Variants in SRPK2 observed in about 807,000 individuals in gnomAD.
The protein encoded by SRPK2 is SRSF protein kinase 2.
In SRPK2, 21 loss-of-function variants were observed where a neutral mutation model predicts 90.8. That is an observed-to-expected ratio of 0.23 (90% CI 0.16 to 0.33). The LOEUF (loss-of-function observed/expected upper bound fraction) is 0.33. SRPK2 is among the 10% of genes least tolerant of loss of function. The probability of loss-of-function intolerance (pLI) is 1.00; values close to 1 mark genes in which losing one functional copy is unlikely to be tolerated. For missense variants in SRPK2, 620 were observed against 869.0 expected, an observed-to-expected ratio of 0.71 and a Z score of 3.60; for synonymous variants, 288 against 311.1, an observed-to-expected ratio of 0.93 and a Z score of 0.78.
intron 2 of SRPK2, among the ~76,000 whole-genome samples, chr7:105,373,945 T>C (rs1350931882): frequency 6.6e-6 from 1 of 152,142 alleles, no homozygotes; most frequent in Admixed American, 6.6e-5. Context: ...CTTTCTTTTT[T>C]GAGATGGAGT....
intron 2 of SRPK2, among the ~76,000 whole-genome samples, chr7:105,275,078 G>A (rs1404424548): frequency 6.6e-6 from 1 of 151,844 alleles, no homozygotes; most frequent in East Asian, 1.9e-4. Context: ...AGTAGAGACG[G>A]GGGTTTCACC....
intron 13 of SRPK2, among the ~76,000 whole-genome samples, chr7:105,131,461 T>C (rs1469738571): frequency 6.6e-6 from 1 of 152,230 alleles, no homozygotes; most frequent in Non-Finnish European, 1.5e-5. Context: ...GTTTTTGATA[T>C]GGAAGAACTT....
chr7:105,238,269 T>TC (rs1800373369), intron 2 of SRPK2, among the ~76,000 whole-genome samples: 3 of 152,222 alleles, frequency 2.0e-5, no homozygotes, highest in South Asian at 4.1e-4. Context: ...GTCATCATCC[T>TC]CATCATCATC....
At chr7:105,373,140 A>T (rs1452860350) in intron 2 of SRPK2, among the ~76,000 whole-genome samples, 2 of 152,118 alleles carry the variant, frequency 1.3e-5, no homozygotes, top group Non-Finnish European at 2.9e-5. Context: ...AGAGCAAGAC[A>T]AAACTCTCTC....
intron 2 of SRPK2, among the ~76,000 whole-genome samples, chr7:105,376,139 C>T (rs1006805739): frequency 5.3e-5 from 8 of 151,454 alleles, no homozygotes; most frequent in African/African-American, 1.9e-4. Context: ...GGACTACAGG[C>T]GCCCGCCACC....
At chr7:105,384,958 G>A (rs1821368091) in intron 2 of SRPK2, among the ~76,000 whole-genome samples, 1 of 150,994 alleles carries the variant, frequency 6.6e-6, no homozygotes, top group Non-Finnish European at 1.5e-5. Context: ...CTCACTGCAA[G>A]CTCCGCCTCC....
chr7:105,229,874 A>C (rs1799215430), intron 2 of SRPK2, among the ~76,000 whole-genome samples: 1 of 152,266 alleles, frequency 6.6e-6, no homozygotes, highest in Admixed American at 6.5e-5. Flanking sequence ...GATCTAGTCC[A>C]GGAATCAAGG....
chr7:105,331,071 G>A (rs1160847538), intron 2 of SRPK2, among the ~76,000 whole-genome samples: 3 of 151,930 alleles, frequency 2.0e-5, no homozygotes, highest in South Asian at 4.1e-4. Flanking sequence ...GGAGGCCGAG[G>A]TAGGTGGTTC....
chr7:105,357,979 C>T (rs1032977504), intron 2 of SRPK2, among the ~76,000 whole-genome samples: 1 of 151,998 alleles, frequency 6.6e-6, no homozygotes, highest in Non-Finnish European at 1.5e-5. Context: ...AATCCCAGCA[C>T]TTTGGGAGGC....
intron 15 of SRPK2, 34 bp from the exon 16 acceptor site, chr7:105,118,056 G>T: frequency 6.2e-7 from 1 of 1,604,094 alleles, no homozygotes; most frequent in Non-Finnish European, 8.5e-7. Flanking sequence ...TGTCAAGAAA[G>T]CTCCAAATCT....
At chr7:105,358,972 C>T (rs887870309) in intron 2 of SRPK2, among the ~76,000 whole-genome samples, 2 of 151,320 alleles carry the variant, frequency 1.3e-5, no homozygotes, top group Non-Finnish European at 2.9e-5. Context: ...GGTGGAGGTG[C>T]CTCTTTTCAA....
At chr7:105,382,606 C>T (rs1006918081) in intron 2 of SRPK2, among the ~76,000 whole-genome samples, 1 of 129,486 alleles carries the variant, frequency 7.7e-6, no homozygotes, top group African/African-American at 2.8e-5. Flanking sequence ...CAGGCAACAA[C>T]ATGGATGAAT....
chr7:105,252,477 T>A (rs1802607609), intron 2 of SRPK2, among the ~76,000 whole-genome samples: 1 of 152,134 alleles, frequency 6.6e-6, no homozygotes, highest in Non-Finnish European at 1.5e-5. Context: ...AAAAGTTGAG[T>A]GGTTTTTGAA....
At chr7:105,245,800 C>T (rs1014564253) in intron 2 of SRPK2, among the ~76,000 whole-genome samples, 2 of 152,122 alleles carry the variant, frequency 1.3e-5, no homozygotes, top group Non-Finnish European at 2.9e-5. Context: ...TGCACTATGG[C>T]CTTGAACTCC....
intron 15 of SRPK2, among the ~76,000 whole-genome samples, chr7:105,119,529 A>C (rs886223963): frequency 6.6e-6 from 1 of 152,290 alleles, no homozygotes; most frequent in African/African-American, 2.4e-5. Flanking sequence ...GCTGCTTGCT[A>C]AAGGGGCTGA....
intron 2 of SRPK2, chr7:105,302,216 A>C: frequency 1.4e-6 from 1 of 738,676 alleles, no homozygotes; most frequent in Non-Finnish European, 2.4e-6. Flanking sequence ...TTACATTAAA[A>C]AGGTTGTAAG....
chr7:105,372,065 G>A (rs1438101983), intron 2 of SRPK2, among the ~76,000 whole-genome samples: 6 of 149,388 alleles, frequency 4.0e-5, no homozygotes, highest in African/African-American at 1.5e-4. Flanking sequence ...AACCCGGAAG[G>A]CGGAGGCCGC....
chr7:105,316,853 T>G (rs1186173552), intron 2 of SRPK2, among the ~76,000 whole-genome samples: 1 of 152,226 alleles, frequency 6.6e-6, no homozygotes, highest in Non-Finnish European at 1.5e-5. Flanking sequence ...CAAGCTATTC[T>G]AACCCTCAAG....
chr7:105,358,304 A>T (rs537049264), intron 2 of SRPK2, among the ~76,000 whole-genome samples: 1 of 152,184 alleles, frequency 6.6e-6, no homozygotes, highest in East Asian at 1.9e-4. Flanking sequence ...TAACATAAAC[A>T]GTAGATAACA....
Sources: gnomAD v4.1 joint callset for allele counts (sites outside exome capture counted in the v4.1 genomes callset) on GRCh38, gnomAD v4.1.1 for gene constraint, MANE v1.5 for transcripts, NCBI Gene and HGNC (gene_info 2026-07-23, HGNC 2026-07-21) for gene names.